The following KSR2 variants were observed in gnomAD, a reference collection of about 807,000 sequenced individuals.
The protein encoded by KSR2 is kinase suppressor of ras 2.
A neutral mutation model predicts 107.8 loss-of-function variants in KSR2; 25 were observed. That is an observed-to-expected ratio of 0.23 (90% CI 0.17 to 0.32). KSR2 has a LOEUF of 0.32. KSR2 is among the 10% of genes least tolerant of loss of function. The pLI is 1.00. For missense variants in KSR2, 887 were observed against 1,268.9 expected (o/e 0.70, Z 4.57); for synonymous variants, 480 against 507.0 (o/e 0.95, Z 0.71).
At chr12:117,532,410 C>T (rs1456447159) in intron 10 of KSR2, among the ~76,000 whole-genome samples, 1 of 152,104 alleles carries the variant, frequency 6.6e-6, no homozygotes, top group Non-Finnish European at 1.5e-5. Flanking sequence ...TTCTTGCTTC[C>T]CTCTGATAAG....
chr12:117,899,546 A>G (rs1410314588), intron 1 of KSR2, among the ~76,000 whole-genome samples: 1 of 152,168 alleles, frequency 6.6e-6, no homozygotes, highest in Non-Finnish European at 1.5e-5. Flanking sequence ...AAGAAGTTAA[A>G]TAGTTTTGCC....
intron 7 of KSR2, among the ~76,000 whole-genome samples, chr12:117,568,525 G>C (rs181742826): frequency 6.6e-6 from 1 of 152,082 alleles, no homozygotes; most frequent in East Asian, 1.9e-4. Flanking sequence ...CAGTGGGTTT[G>C]AGTAACAGAT....
At chr12:117,479,629 A>T (rs894378207) in intron 16 of KSR2, among the ~76,000 whole-genome samples, 7 of 152,344 alleles carry the variant, frequency 4.6e-5, no homozygotes, top group African/African-American at 1.4e-4. Flanking sequence ...CTGGTTGAGA[A>T]TCACTGTTCT....
intron 1 of KSR2, among the ~76,000 whole-genome samples, chr12:117,934,137 C>T (rs1244598207): frequency 6.6e-6 from 1 of 152,176 alleles, no homozygotes; most frequent in Non-Finnish European, 1.5e-5. Flanking sequence ...ATTCTGGCTA[C>T]ATTGGAACAA....
chr12:117,667,752 G>T, intron 4 of KSR2, 94 bp from the exon 5 acceptor site: 3 of 1,043,950 alleles, frequency 2.9e-6, no homozygotes, highest in Non-Finnish European at 4.1e-6. Flanking sequence ...CCCATGAGGG[G>T]TCCAAAACCC....
At chr12:117,891,743 T>C (rs1162055772) in intron 1 of KSR2, among the ~76,000 whole-genome samples, 1 of 152,152 alleles carries the variant, frequency 6.6e-6, no homozygotes, top group Non-Finnish European at 1.5e-5. Context: ...TCCTAGCACT[T>C]TGGGAGGCCG....
chr12:117,485,361 G>A (rs1872405072), intron 15 of KSR2, among the ~76,000 whole-genome samples: 1 of 152,164 alleles, frequency 6.6e-6, no homozygotes, highest in East Asian at 1.9e-4. Flanking sequence ...CCATAGTGAT[G>A]AGACACCAGA....
intron 4 of KSR2, among the ~76,000 whole-genome samples, chr12:117,717,698 T>TGTGTGTGC (rs1887045895): frequency 1.0e-5 from 1 of 100,200 alleles, no homozygotes; most frequent in African/African-American, 2.9e-5. Context: ...TGTGTGTGTG[T>TGTGTGTGC]GTGTGTGTGT....
intron 3 of KSR2, among the ~76,000 whole-genome samples, chr12:117,784,167 T>C (rs1171625565): frequency 6.6e-6 from 1 of 152,200 alleles, no homozygotes; most frequent in Non-Finnish European, 1.5e-5. Flanking sequence ...GGCTTGGCTG[T>C]GTCCCCACCC....
At chr12:117,966,333 G>A (rs1364572990) in intron 1 of KSR2, among the ~76,000 whole-genome samples, 1 of 152,178 alleles carries the variant, frequency 6.6e-6, no homozygotes, top group Admixed American at 6.6e-5. Context: ...TTGACTGCAT[G>A]CAGGTCTGAA....
intron 12 of KSR2, among the ~76,000 whole-genome samples, chr12:117,530,349 T>C (rs1565886319): frequency 6.6e-6 from 1 of 152,196 alleles, no homozygotes; most frequent in African/African-American, 2.4e-5. Flanking sequence ...TTTTTGGCTT[T>C]GCAAGCCATA....
chr12:117,657,053 T>A (rs182659009), intron 5 of KSR2, among the ~76,000 whole-genome samples: 113 of 145,468 alleles, frequency 7.8e-4, no homozygotes, highest in African/African-American at 2.6e-3. Context: ...TCCTGACTAA[T>A]ACTGCGAAAC....
intron 3 of KSR2, among the ~76,000 whole-genome samples, chr12:117,814,660 T>G (rs1287339185): frequency 6.6e-6 from 1 of 152,120 alleles, no homozygotes; most frequent in East Asian, 1.9e-4. Flanking sequence ...CCACAGAGGC[T>G]CCATTCAGAG....
At chr12:117,670,560 T>C (rs1884864832) in intron 4 of KSR2, among the ~76,000 whole-genome samples, 1 of 152,110 alleles carries the variant, frequency 6.6e-6, no homozygotes, top group Admixed American at 6.5e-5. Flanking sequence ...AGAAGTTCGA[T>C]TTGGGACATG....
intron 1 of KSR2, among the ~76,000 whole-genome samples, chr12:117,962,032 C>T (rs1896674120): frequency 6.6e-6 from 1 of 151,566 alleles, no homozygotes; most frequent in Admixed American, 6.6e-5. Flanking sequence ...GTAGTCTCAG[C>T]TACCCAGGAG....
chr12:117,564,680 A>G (rs1438854655), intron 7 of KSR2, among the ~76,000 whole-genome samples: 1 of 152,194 alleles, frequency 6.6e-6, no homozygotes, highest in Non-Finnish European at 1.5e-5. Context: ...TGAGGGCAGA[A>G]TCTAGGTCTC....
intron 1 of KSR2, among the ~76,000 whole-genome samples, chr12:117,868,021 G>C (rs1893533173): frequency 6.6e-6 from 1 of 152,090 alleles, no homozygotes; most frequent in African/African-American, 2.4e-5. Flanking sequence ...CTGTGTTATA[G>C]AATTATTCAC....
intron 4 of KSR2, among the ~76,000 whole-genome samples, chr12:117,726,001 T>C (rs1887410585): frequency 6.6e-6 from 1 of 151,982 alleles, no homozygotes; most frequent in Admixed American, 6.6e-5. Context: ...GTCCCATCTC[T>C]ACTAAATATA....
intron 9 of KSR2, 35 bp from the exon 10 acceptor site, chr12:117,539,922 G>A (rs549409816): frequency 6.4e-7 from 1 of 1,562,726 alleles, no homozygotes; most frequent in Non-Finnish European, 8.7e-7. Flanking sequence ...GTCAGGGACA[G>A]GCAGGGAAGC....
Sources: allele counts gnomAD v4.1 joint callset (sites outside exome capture counted in the v4.1 genomes callset), GRCh38; gene constraint gnomAD v4.1.1; transcripts MANE v1.5; gene names NCBI Gene and HGNC (gene_info 2026-07-23, HGNC 2026-07-21).